FDFT1: variants seen among roughly 807,000 people sequenced by gnomAD.
FDFT1 encodes squalene synthase.
FDFT1 carries 68 observed loss-of-function variants against 46.8 expected under a neutral mutation model. That is an observed-to-expected ratio of 1.45 (90% CI 1.19 to 1.78). FDFT1 has a LOEUF of 1.78. Among genes scored for constraint, FDFT1 ranks in the 40% most tolerant of loss-of-function variants. The pLI, the probability that FDFT1 is intolerant of heterozygous loss-of-function variation, is 0.00. For missense variants in FDFT1, 928 were observed against 524.4 expected (o/e 1.77, Z -7.52); for synonymous variants, 351 against 185.1 (o/e 1.90, Z -7.28).
chr8:11,823,580 A>G (rs1388925793), intron 4 of FDFT1, among the ~76,000 whole-genome samples: 2 of 150,764 alleles, frequency 1.3e-5, no homozygotes, highest in Admixed American at 1.3e-4. Context: ...GTCAGAGACG[A>G]CTTTTTTTTT....
intron 6 of FDFT1, 21 bp downstream of exon 6, chr8:11,830,441 G>C: frequency 6.4e-7 from 1 of 1,568,676 alleles, no homozygotes; most frequent in Non-Finnish European, 8.8e-7. Context: ...GGGCTCCTCT[G>C]GGTGGATACG....
chr8:11,821,704 CTG>C (rs1434672462), intron 3 of FDFT1, 44 bp from the exon 4 acceptor site: 1 of 1,604,212 alleles, frequency 6.2e-7, no homozygotes, highest in African/African-American at 1.3e-5. Context: ...GGTGCCATGT[CTG>C]TACATATTTC....
Position 11,838,952 on chromosome 8 carries a change from T to C in FDFT1, c.*343T>C. ...CTGGCTAGAATGATAATTAAAAGTA[T>C]TTAATTTGAAGCACCATTTGAATGT... On this transcript the variant is annotated 3_prime_UTR_variant, in exon 8 of 8. Transcript: ENST00000220584. 1 of 223,578 alleles carries C rather than the reference T, an allele frequency of 4.5e-6. No individual in the cohort carries two copies. Among genetic ancestry groups the C allele is most frequent in the South Asian group, 7.0e-5 (1 of 14,200 alleles). The allele number at this position is 223,578 out of a possible 1,614,324, so 13.8% of individuals were successfully genotyped here.
chr8:11,808,952 G>A, intron 2 of FDFT1, 61 bp downstream of exon 2: 1 of 1,575,166 alleles, frequency 6.3e-7, no homozygotes, highest in African/African-American at 1.3e-5. Context: ...CTTTGAGTGT[G>A]TTGGAAGCTA....
chr8:11,832,917 C>T (rs1025197240), intron 7 of FDFT1, among the ~76,000 whole-genome samples: 8 of 152,144 alleles, frequency 5.3e-5, no homozygotes, highest in Non-Finnish European at 8.8e-5. Flanking sequence ...CCCCCTGTTA[C>T]GCGTTTACAG....
rs755932602 is a variant in FDFT1 at position 11,808,870 on chromosome 8, A to G, written c.176A>G (p.Gln59Arg). Residue 59 changes from glutamine to arginine, a missense_variant, in exon 2 of 8, where the codon CAG becomes CGG. Transcript: ENST00000220584. Reference protein sequence around the residue: ...QTSRSFAAVIQALDGEMRNAV... With the variant: ...QTSRSFAAVIRALDGEMRNAV... ...AGTCGCAGTTTCGCAGCTGTTATCCAGGCGCTGGATGGGGAAATGCGGTGA... is the reference window on the plus strand; with the variant it reads ...AGTCGCAGTTTCGCAGCTGTTATCCGGGCGCTGGATGGGGAAATGCGGTGA... 6.2e-7 allele frequency: 1 copy of G among 1,613,946 alleles called. No individual in the cohort carries two copies. Among genetic ancestry groups the G allele is most frequent in the South Asian group, 1.1e-5 (1 of 90,978 alleles).
chr8:11,827,937 C>A (rs929205728), intron 5 of FDFT1, among the ~76,000 whole-genome samples: 1 of 152,054 alleles, frequency 6.6e-6, no homozygotes, highest in Non-Finnish European at 1.5e-5. Flanking sequence ...CACAGTGACT[C>A]CTGCCTATAA....
intron 7 of FDFT1, among the ~76,000 whole-genome samples, chr8:11,836,593 C>A (rs1811566029): frequency 6.6e-6 from 1 of 152,250 alleles, no homozygotes; most frequent in Admixed American, 6.5e-5. Flanking sequence ...CACTCGTTTC[C>A]AAATAAATGG....
intron 4 of FDFT1, among the ~76,000 whole-genome samples, chr8:11,824,564 A>G (rs1585959122): frequency 6.6e-6 from 1 of 150,392 alleles, no homozygotes; most frequent in Non-Finnish European, 1.5e-5. Flanking sequence ...AGTAACTGGG[A>G]CCACTGGCCT....
intron 4 of FDFT1, among the ~76,000 whole-genome samples, chr8:11,822,606 G>A (rs1448101127): frequency 1.3e-5 from 2 of 152,094 alleles, no homozygotes; most frequent in Non-Finnish European, 2.9e-5. Flanking sequence ...TTGAGCCCAG[G>A]AGTTAGACAC....
chr8:11,819,862 C>A (rs1339547068), intron 3 of FDFT1, among the ~76,000 whole-genome samples: 1 of 152,108 alleles, frequency 6.6e-6, no homozygotes, highest in Non-Finnish European at 1.5e-5. Context: ...TCGTTAAACT[C>A]ATTGTCCATC....
At chr8:11,818,588 T>C (rs1231735467) in intron 3 of FDFT1, among the ~76,000 whole-genome samples, 1 of 152,274 alleles carries the variant, frequency 6.6e-6, no homozygotes, top group African/African-American at 2.4e-5. Flanking sequence ...GCTCTTCTTG[T>C]TGAATTGATC....
chr8:11,829,644 G>A (rs1385262795), intron 5 of FDFT1, among the ~76,000 whole-genome samples: 1 of 152,146 alleles, frequency 6.6e-6, no homozygotes, highest in Non-Finnish European at 1.5e-5. Context: ...TCTTTAGCCT[G>A]AATTCGTCCA....
chr8:11,823,522 C>G (rs1050784877), intron 4 of FDFT1, among the ~76,000 whole-genome samples: 21 of 152,256 alleles, frequency 1.4e-4, no homozygotes, highest in African/African-American at 4.6e-4. Context: ...TTTCTCTTCA[C>G]CTGTGCATTC....
chr8:11,830,226 ATCT>A lies in FDFT1; in HGVS notation c.703-13_703-11del, dbSNP rs1563336773. The A allele has an allele frequency of 4.4e-6, 7 of 1,605,504 alleles. No individual in the cohort carries two copies. The highest frequency in any genetic ancestry group is 1.1e-5 in the South Asian group (1 of 90,882). On this transcript the variant is annotated splice_polypyrimidine_tract_variant and intron_variant, in intron 5 of 7. Transcript: ENST00000220584. ...TATGCACACGCTGACCTGTTCCTTAATCTTCTTATCTGTCTAGGTTTGGAGCAG... is the reference window on the plus strand; with the variant it reads ...TATGCACACGCTGACCTGTTCCTTAATCTTATCTGTCTAGGTTTGGAGCAG...
upstream of FDFT1, among the ~76,000 whole-genome samples, chr8:11,797,638 C>CAAAAAAA (rs34350077): frequency 1.2e-4 from 9 of 75,472 alleles, no homozygotes; most frequent in African/African-American, 2.1e-4. Flanking sequence ...CACACACACT[C>CAAAAAAA]AAAAAAAAAA....
chr8:11,813,497 C>A (rs1808016006), intron 3 of FDFT1, among the ~76,000 whole-genome samples: 1 of 152,120 alleles, frequency 6.6e-6, no homozygotes, highest in African/African-American at 2.4e-5. Context: ...GAAACTGAGG[C>A]ACAGAGAAAT....
chr8:11,829,072 C>T (rs750794608), intron 5 of FDFT1, among the ~76,000 whole-genome samples: 2 of 152,170 alleles, frequency 1.3e-5, no homozygotes, highest in Admixed American at 6.5e-5. Context: ...TGAGGAGCTG[C>T]CAGACGCTTT....
At chr8:11,832,410 CATG>C (rs1810927774) in intron 7 of FDFT1, among the ~76,000 whole-genome samples, 1 of 151,470 alleles carries the variant, frequency 6.6e-6, no homozygotes, top group African/African-American at 2.4e-5. Flanking sequence ...TAAAAATTGT[CATG>C]GTGGTGCACG....
Sources: allele counts gnomAD v4.1 joint callset (sites outside exome capture counted in the v4.1 genomes callset), GRCh38; gene constraint gnomAD v4.1.1; transcripts MANE v1.5; gene names NCBI Gene and HGNC (gene_info 2026-07-23, HGNC 2026-07-21).